The following URAD variants were observed in gnomAD, a reference collection of about 807,000 sequenced individuals.
URAD encodes the protein putative 2-oxo-4-hydroxy-4-carboxy-5-ureidoimidazoline decarboxylase.
Under a neutral mutation model 4.6 loss-of-function variants are expected in URAD, and 4 were observed. The ratio of observed to expected loss-of-function variants is 0.87; its 90% CI spans 0.43 to 1.98. URAD has a LOEUF of 1.98. Ranked by LOEUF, URAD falls within the 30% of genes most tolerant of loss-of-function variation. The probability of loss-of-function intolerance (pLI) is 0.03; values close to 1 mark genes in which losing one functional copy is unlikely to be tolerated. For missense variants in URAD, 300 were observed against 255.3 expected, an observed-to-expected ratio of 1.18 and a Z score of -1.19; for synonymous variants, 144 against 118.2, an observed-to-expected ratio of 1.22 and a Z score of -1.41.
chr13:27,987,765 A>G (rs987486990), intron 1 of URAD, among the ~76,000 whole-genome samples: 2 of 152,210 alleles, frequency 1.3e-5, no homozygotes, highest in African/African-American at 4.8e-5. Flanking sequence ...CTTCCAGTCC[A>G]TGTCTGACCT....
chr13:27,978,066 C>T lies in URAD; in HGVS notation c.*40G>A. The T allele has an allele frequency of 1.4e-6, 2 of 1,407,284 alleles. No individual in the cohort carries two copies. The highest frequency in any genetic ancestry group is 1.5e-5 in the South Asian group (1 of 64,966). The allele number at this position is 1,407,284 out of a possible 1,614,324, so 87.2% of individuals were successfully genotyped here. A position where few individuals can be genotyped will look rare whatever the true frequency, so the allele number is the denominator to read the frequency against. Reference sequence around the variant, plus strand: ...ACAGCTCCGGGCCGTGGCCCCCGCGCGTCCGGTTGTGCGTCCCGGGTCCCT... The same window carrying T: ...ACAGCTCCGGGCCGTGGCCCCCGCGTGTCCGGTTGTGCGTCCCGGGTCCCT... On this transcript the variant is annotated 3_prime_UTR_variant, in exon 2 of 2. Transcript: ENST00000332715.
At chr13:27,984,224 T>G (rs540137052) in intron 1 of URAD, among the ~76,000 whole-genome samples, 2 of 152,312 alleles carry the variant, frequency 1.3e-5, no homozygotes, top group East Asian at 3.9e-4. Context: ...AAATGCACAG[T>G]TAATTAACTC....
At chr13:27,987,084 T>C (rs1422364203) in intron 1 of URAD, among the ~76,000 whole-genome samples, 1 of 152,206 alleles carries the variant, frequency 6.6e-6, no homozygotes, top group Non-Finnish European at 1.5e-5. Flanking sequence ...GAGCTCCTTA[T>C]TTTGGAGACG....
At chr13:27,979,734 GA>G (rs1256807463) in intron 1 of URAD, among the ~76,000 whole-genome samples, 1 of 152,198 alleles carries the variant, frequency 6.6e-6, no homozygotes, top group African/African-American at 2.4e-5. Flanking sequence ...CAAAGAAGCT[GA>G]AAATTAAACC....
Position 27,978,070 on chromosome 13 carries a change from C to T in URAD, c.*36G>A, listed in dbSNP as rs746832930. 4.2e-6 allele frequency: 6 copies of T among 1,415,960 alleles called. No homozygotes were observed. The highest frequency in any genetic ancestry group is 6.4e-5 in the Admixed American group (2 of 31,252). The allele number at this position is 1,415,960 out of a possible 1,614,324, so 87.7% of individuals were successfully genotyped here. On this transcript the variant is annotated 3_prime_UTR_variant, in exon 2 of 2. Transcript: ENST00000332715. The stretch of plus-strand genomic sequence containing the variant: ...CTCCGGGCCGTGGCCCCCGCGCGTC[C>T]GGTTGTGCGTCCCGGGTCCCTGGCC...
chr13:27,984,156 T>C (rs2137558819), intron 1 of URAD, among the ~76,000 whole-genome samples: 1 of 152,262 alleles, frequency 6.6e-6, no homozygotes, highest in Admixed American at 6.5e-5. Flanking sequence ...CAAGCGATCC[T>C]CCCACCTCAG....
intron 1 of URAD, among the ~76,000 whole-genome samples, chr13:27,984,643 T>C (rs1281208220): frequency 1.3e-5 from 2 of 152,210 alleles, no homozygotes; most frequent in Non-Finnish European, 2.9e-5. Flanking sequence ...TTTCACCCAG[T>C]TTGCTTCTTA....
intron 1 of URAD, among the ~76,000 whole-genome samples, chr13:27,983,127 C>A (rs1361868686): frequency 6.6e-6 from 1 of 152,172 alleles, no homozygotes; most frequent in East Asian, 1.9e-4. Context: ...GCCCTTGCTG[C>A]CTCTTCCTCA....
In URAD at chr13:27,978,447, C is replaced by A. The variant is rs1009435227; in HGVS notation, c.181G>T (p.Glu61Ter). ...FIDALAQSGQ[E>*]GILRCHPDLA... The stretch of plus-strand genomic sequence containing the variant: ...TCCGGGTGGCAGCGCAGGATGCCCT[C>A]CTGGCCTGCGGAGAAGCACAGACAC... The change falls in exon 2 of 2, where the codon GAG (glutamate) becomes TAG (stop). Residue 61 changes from glutamate to a stop codon, truncating the protein, a stop_gained. Coordinates refer to ENST00000332715, the MANE Select transcript of URAD (RefSeq NM_001105577.2). LOFTEE classifies it low-confidence loss of function (END_TRUNC). 1.4e-4 allele frequency: 185 copies of A among 1,339,862 alleles called. 2 individuals carry two copies. The African/African-American group carries it at 2.7e-3, about 19-fold the overall frequency. 83.0% of individuals were successfully genotyped at this position (1,339,862 alleles called of 1,614,324 possible). A position where few individuals can be genotyped will look rare whatever the true frequency, so the allele number is the denominator to read the frequency against.
In URAD at chr13:27,978,127, G is replaced by T; in HGVS notation, c.501C>A (p.Arg167=). Reference sequence around the variant, plus strand: ...GCAGCTACAGCTTGGCGGGGTCTGCGCGGAGGAGGTCGGCCAGGCGCAGGC... The same window carrying T: ...GCAGCTACAGCTTGGCGGGGTCTGCTCGGAGGAGGTCGGCCAGGCGCAGGC... ...IGSLRLADLL[R]ADPAKL The change falls in exon 2 of 2, where the codon CGC becomes CGA. Residue 167 remains arginine (R), a synonymous_variant. Coordinates refer to ENST00000332715, the MANE Select transcript of URAD (RefSeq NM_001105577.2). The T allele has an allele frequency of 6.6e-7, 1 of 1,525,956 alleles. No homozygotes were observed. Among genetic ancestry groups the T allele is most frequent in the Non-Finnish European group, 8.7e-7 (1 of 1,149,954 alleles). 94.5% of individuals were successfully genotyped at this position (1,525,956 alleles called of 1,614,324 possible).
Position 27,977,922 on chromosome 13 carries a change from G to A in URAD, c.*184C>T, listed in dbSNP as rs1382650148. On this transcript the variant is annotated 3_prime_UTR_variant, in exon 2 of 2. Transcript: ENST00000332715. The stretch of plus-strand genomic sequence containing the variant: ...ATATGGATATTTTGGCAACGCGTGC[G>A]CGTGTGGGTGGGCGGACAAAAGGAC... The A allele has an allele frequency of 1.7e-5, 9 of 522,292 alleles. No homozygotes were observed. Among genetic ancestry groups the A allele is most frequent in the Non-Finnish European group, 2.9e-5 (9 of 308,374 alleles). The allele number at this position is 522,292 out of a possible 1,614,324, so 32.4% of individuals were successfully genotyped here. A position where few individuals can be genotyped will look rare whatever the true frequency, so the allele number is the denominator to read the frequency against.
intron 1 of URAD, among the ~76,000 whole-genome samples, chr13:27,981,580 A>G (rs567363570): frequency 2.6e-5 from 4 of 152,274 alleles, no homozygotes; most frequent in South Asian, 2.1e-4. Flanking sequence ...TCATTGTTCT[A>G]TGGGAGAGGA....
chr13:27,979,010 A>G (rs536445709), intron 1 of URAD, among the ~76,000 whole-genome samples: 7 of 152,260 alleles, frequency 4.6e-5, no homozygotes, highest in African/African-American at 1.7e-4. Flanking sequence ...TAGGGATAAC[A>G]TCCATGGGGC....
chr13:27,988,400 A>C (rs867079389), intron 1 of URAD, 63 bp downstream of exon 1: 2 of 1,496,734 alleles, frequency 1.3e-6, no homozygotes, highest in Middle Eastern at 3.6e-4. Context: ...CCAGTATCTA[A>C]AAATATTTTA....
chr13:27,986,766 A>T (rs1377345939), intron 1 of URAD, among the ~76,000 whole-genome samples: 1 of 151,862 alleles, frequency 6.6e-6, no homozygotes, highest in East Asian at 1.9e-4. Context: ...TGCCTCCTCT[A>T]TTCTATTTTC....
intron 1 of URAD, among the ~76,000 whole-genome samples, chr13:27,987,905 G>GATAGATAGAT (rs1468420318): frequency 1.6e-5 from 1 of 62,410 alleles, no homozygotes; most frequent in Non-Finnish European, 3.9e-5. Flanking sequence ...TAGATAGATA[G>GATAGATAGAT]ATAGATAGAT....
Position 27,982,089 on chromosome 13 carries a change from T to G in URAD, c.176-3637A>C, listed in dbSNP as rs187078310. ...AGACCAATGCCTGACCTCTTCTTTC[T>G]CAACCTCTCCAGACCATGTCACCTG... is the stretch of plus-strand genomic sequence containing the variant. On this transcript the variant is annotated intron_variant, in intron 1 of 1. Coordinates refer to ENST00000332715, the MANE Select transcript of URAD (RefSeq NM_001105577.2). Among the ~76,000 whole-genome samples the G allele has an allele frequency of 5.9e-5, 9 of 152,170 alleles. No homozygotes were observed. In the East Asian group the frequency reaches 1.6e-3, roughly 26 times the overall value.
chr13:27,987,542 T>C (rs1438732998), intron 1 of URAD, among the ~76,000 whole-genome samples: 2 of 152,194 alleles, frequency 1.3e-5, no homozygotes, highest in Non-Finnish European at 2.9e-5. Context: ...AGTCAGCCGA[T>C]TGCCCTTTCC....
chr13:27,980,619 C>G (rs1292872407), intron 1 of URAD, among the ~76,000 whole-genome samples: 1 of 152,196 alleles, frequency 6.6e-6, no homozygotes, highest in Non-Finnish European at 1.5e-5. Flanking sequence ...CCCTCCCCAC[C>G]GTTGCATGCT....
Sources: gnomAD v4.1 joint callset for allele counts (sites outside exome capture counted in the v4.1 genomes callset) on GRCh38, gnomAD v4.1.1 for gene constraint, MANE v1.5 for transcripts, NCBI Gene and HGNC (gene_info 2026-07-23, HGNC 2026-07-21) for gene names.